SHISA5: variants seen among roughly 807,000 people sequenced by gnomAD.
SHISA5 encodes the protein protein shisa-5.
A neutral mutation model predicts 27.5 loss-of-function variants in SHISA5; 21 were observed. That is an observed-to-expected ratio of 0.76 (90% confidence interval 0.54 to 1.10). The LOEUF (loss-of-function observed/expected upper bound fraction) is 1.10. Among genes scored for constraint, SHISA5 ranks in the 50% least tolerant of loss-of-function variants. The pLI is 0.00. For missense variants in SHISA5, 314 were observed against 336.3 expected (o/e 0.93, Z 0.52); for synonymous variants, 137 against 142.2 (o/e 0.96, Z 0.26).
At chr3:48,491,583 A>G (rs760714026) in intron 2 of SHISA5, among the ~76,000 whole-genome samples, 59 of 151,932 alleles carry the variant, frequency 3.9e-4, no homozygotes, top group Non-Finnish European at 3.8e-4. Context: ...AATCTCTTCA[A>G]ATATTTTAGA....
At chr3:48,484,828 G>A (rs1011862240) in intron 2 of SHISA5, among the ~76,000 whole-genome samples, 2 of 152,192 alleles carry the variant, frequency 1.3e-5, no homozygotes, top group African/African-American at 4.8e-5. Context: ...AGAAGGCAGA[G>A]GTTGCAGTGA....
intron 3 of SHISA5, among the ~76,000 whole-genome samples, chr3:48,472,294 C>T (rs1315472260): frequency 1.3e-5 from 2 of 152,128 alleles, no homozygotes; most frequent in African/African-American, 4.8e-5. Context: ...TTGAGACCAG[C>T]CTGGGCAACA....
intron 2 of SHISA5, among the ~76,000 whole-genome samples, chr3:48,489,853 C>G (rs1380826899): frequency 1.3e-5 from 2 of 151,784 alleles, no homozygotes; most frequent in African/African-American, 4.8e-5. Flanking sequence ...TGGTCTTGAA[C>G]TCCTGGGCTC....
rs189386289 is a variant in SHISA5, at chr3:48,483,859, G to A, written c.234-4602C>T. 3.6e-3 allele frequency among the ~76,000 whole-genome samples: 541 copies of A among 151,712 alleles called. 4 individuals carry two copies. Among genetic ancestry groups the A allele is most frequent in the South Asian group, 0.013 (62 of 4,774 alleles). On this transcript the variant is annotated intron_variant, in intron 2 of 5. Coordinates refer to ENST00000296444, the MANE Select transcript of SHISA5 (RefSeq NM_016479.6). ...TCCCGGACAGGGCGGCTGGCCGGGC[G>A]GGGGGCTGACCCCACCTAGCTAATT... is the stretch of plus-strand genomic sequence containing the variant.
intron 2 of SHISA5, among the ~76,000 whole-genome samples, chr3:48,489,931 C>T (rs761113329): frequency 2.0e-5 from 3 of 152,092 alleles, no homozygotes; most frequent in Admixed American, 6.6e-5. Context: ...TGCTTGGCAG[C>T]GCTATTTTCA....
At chr3:48,482,631 A>C (rs1279930698) in intron 2 of SHISA5, among the ~76,000 whole-genome samples, 1 of 152,000 alleles carries the variant, frequency 6.6e-6, no homozygotes, top group Non-Finnish European at 1.5e-5. Context: ...TTTAGCAATG[A>C]AAACTCACTT....
rs1430079785 is a variant in SHISA5 at position 48,470,790 on chromosome 3, G to A, written c.315-947C>T. Among the ~76,000 whole-genome samples, 3 of 152,112 alleles carry A rather than the reference G, an allele frequency of 2.0e-5. No individual in the cohort carries two copies. Among genetic ancestry groups the A allele is most frequent in the Admixed American group, 1.3e-4 (2 of 15,280 alleles). On this transcript the variant is annotated intron_variant, in intron 3 of 5. Transcript: ENST00000296444. This position sits in a 1 kb window ranked among gnomAD's most constrained non-coding sequence, Gnocchi z 4.3. ...AAAAATACAAAAATTAGTCGGGCAC[G>A]GTGGCGGGTGCCTGTAATCCCAGCT...
intron 2 of SHISA5, among the ~76,000 whole-genome samples, chr3:48,485,356 G>A (rs1380632316): frequency 7.9e-5 from 12 of 151,304 alleles, no homozygotes; most frequent in Non-Finnish European, 1.3e-4. Context: ...TTAGCCAAGC[G>A]TGGTGGTGCA....
intron 3 of SHISA5, among the ~76,000 whole-genome samples, chr3:48,475,395 G>C (rs952604638): frequency 6.6e-6 from 1 of 152,132 alleles, no homozygotes; most frequent in Admixed American, 6.6e-5. Context: ...CAGCCACCCC[G>C]GCAGGGAGTT....
chr3:48,498,273 A>G (rs1365072775), intron 2 of SHISA5, among the ~76,000 whole-genome samples: 1 of 152,182 alleles, frequency 6.6e-6, no homozygotes, highest in Non-Finnish European at 1.5e-5. Flanking sequence ...GAAAAACTGA[A>G]TGTCTTCCCC....
rs149111451 is a variant in SHISA5, at chr3:48,503,327, C to G, written c.76+692G>C. The G allele has an allele frequency of 1.5e-4, 71 of 470,328 alleles. No homozygotes were observed. The East Asian group carries it at 4.9e-3, about 33-fold the overall frequency. 29.1% of individuals were successfully genotyped at this position (470,328 alleles called of 1,614,324 possible). On this transcript the variant is annotated intron_variant, in intron 1 of 5. Transcript: ENST00000296444. ...GAGTGGGCGGATTCTGGGCACAAGT[C>G]TCCCCTTTCTCATTTCTCTAGCCCA...
rs961899779 is a variant in SHISA5, at chr3:48,503,298, C to G, written c.76+721G>C. On this transcript the variant is annotated intron_variant, in intron 1 of 5. Coordinates refer to ENST00000296444, the MANE Select transcript of SHISA5 (RefSeq NM_016479.6). ...TGACCGACCCTCCTACAGGCTCACT[C>G]CAGGAGTGGGCGGATTCTGGGCACA... 3 of 640,918 alleles carry G rather than the reference C, an allele frequency of 4.7e-6. No homozygotes were observed. In the East Asian group the frequency reaches 2.0e-4, roughly 43 times the overall value. The allele number at this position is 640,918 out of a possible 1,614,324, so 39.7% of individuals were successfully genotyped here.
In SHISA5 at chr3:48,469,046, G is replaced by T; in HGVS notation, c.*61C>A. ...ACATGGGGCGTAAGGAACCGCGCCT[G>T]CACACCACTCACGCACACACACAAC... On this transcript the variant is annotated 3_prime_UTR_variant, in exon 6 of 6. Transcript: ENST00000296444. This position sits in a 1 kb window ranked among gnomAD's most constrained non-coding sequence, Gnocchi z 4.6. 1 of 1,609,280 alleles carries T rather than the reference G, an allele frequency of 6.2e-7. No individual in the cohort carries two copies.
chr3:48,471,007 G>A (rs1322614819), intron 3 of SHISA5, among the ~76,000 whole-genome samples: 1 of 151,466 alleles, frequency 6.6e-6, no homozygotes, highest in East Asian at 1.9e-4. Context: ...TGTTTGCAGA[G>A]GCCAAGCTTC....
At chr3:48,491,546 A>G (rs1222659721) in intron 2 of SHISA5, among the ~76,000 whole-genome samples, 1 of 152,126 alleles carries the variant, frequency 6.6e-6, no homozygotes, top group Non-Finnish European at 1.5e-5. Context: ...TTCACGGGCG[A>G]TGGTCACTCA....
chr3:48,477,064 G>C, intron 3 of SHISA5: 1 of 449,256 alleles, frequency 2.2e-6, no homozygotes, highest in Non-Finnish European at 4.4e-6. Flanking sequence ...GTTCCGCACT[G>C]TCTCCTCCTT....
At chr3:48,498,729 A>C (rs1221890426) in intron 2 of SHISA5, among the ~76,000 whole-genome samples, 1 of 151,624 alleles carries the variant, frequency 6.6e-6, no homozygotes, top group African/African-American at 2.4e-5. Flanking sequence ...GAAAAGAAGA[A>C]GTAACAGTCG....
intron 3 of SHISA5, among the ~76,000 whole-genome samples, chr3:48,472,065 C>A (rs1575304008): frequency 6.6e-6 from 1 of 152,022 alleles, no homozygotes; most frequent in Non-Finnish European, 1.5e-5. Flanking sequence ...AAACTGTAGT[C>A]CCAGCTACTC....
Position 48,468,359 on chromosome 3 carries a change from T to C in SHISA5, c.*748A>G. The C allele has an allele frequency of 9.4e-7, 1 of 1,058,210 alleles. No homozygotes were observed. Among genetic ancestry groups the C allele is most frequent in the Non-Finnish European group, 1.1e-6 (1 of 873,126 alleles). 65.6% of individuals were successfully genotyped at this position (1,058,210 alleles called of 1,614,324 possible). ...GCAGGGCCAGCAAGGGCAGCAGAGC[T>C]CCCTGGGGGCAGCTAGGCTGTGTGT... On this transcript the variant is annotated 3_prime_UTR_variant, in exon 6 of 6. Coordinates refer to ENST00000296444, the MANE Select transcript of SHISA5 (RefSeq NM_016479.6).
Sources: allele counts gnomAD v4.1 joint callset (sites outside exome capture counted in the v4.1 genomes callset), GRCh38; gene constraint gnomAD v4.1.1; non-coding constraint Gnocchi (gnomAD v3.1); transcripts MANE v1.5; gene names NCBI Gene and HGNC (gene_info 2026-07-23, HGNC 2026-07-21).